Variants in CELF1 observed in about 807,000 individuals in gnomAD.
CELF1 encodes the protein 50 kDa nuclear polyadenylated RNA-binding protein.
In CELF1, 10 loss-of-function variants were observed where a neutral mutation model predicts 61.8. The ratio of observed to expected loss-of-function variants is 0.16; its 90% CI spans 0.10 to 0.27. The LOEUF is 0.27. CELF1 is among the 10% of genes least tolerant of loss of function. The pLI is 1.00. For missense variants in CELF1, 380 were observed against 639.1 expected (o/e 0.59, Z 4.37); for synonymous variants, 236 against 225.1 (o/e 1.05, Z -0.43).
chr11:47,537,319 C>T (rs1188629184), intron 1 of CELF1, among the ~76,000 whole-genome samples: 1 of 149,618 alleles, frequency 6.7e-6, no homozygotes, highest in East Asian at 2.0e-4. Context: ...GCCATCTTGG[C>T]TCACTGCAGC....
chr11:47,552,603 G>A (rs1598699638), intron 1 of CELF1, among the ~76,000 whole-genome samples: 1 of 152,230 alleles, frequency 6.6e-6, no homozygotes, highest in South Asian at 2.1e-4. Context: ...CAGAGATGGG[G>A]TGTCCCGGGC....
chr11:47,467,869 G>A lies in CELF1; in HGVS notation c.*4361C>T. 1 of 151,962 alleles carries A rather than the reference G, an allele frequency of 6.6e-6. No individual in the cohort carries two copies. Among genetic ancestry groups the A allele is most frequent in the East Asian group, 1.9e-4 (1 of 5,198 alleles). The allele number at this position is 151,962 out of a possible 1,614,324, so 9.4% of individuals were successfully genotyped here. A position where few individuals can be genotyped will look rare whatever the true frequency, so the allele number is the denominator to read the frequency against. On this transcript the variant is annotated 3_prime_UTR_variant, in exon 15 of 15. Coordinates refer to ENST00000687097, the MANE Select transcript of CELF1 (RefSeq NM_001376376.1). Reference sequence around the variant, plus strand: ...CTTCAAAATTAAACAATACAATCTTGAAAAAAATAATCAACCCTACAACAA... The same window carrying A: ...CTTCAAAATTAAACAATACAATCTTAAAAAAAATAATCAACCCTACAACAA...
intron 3 of CELF1, among the ~76,000 whole-genome samples, chr11:47,498,597 T>G (rs1253010145): frequency 6.6e-6 from 1 of 152,210 alleles, no homozygotes; most frequent in African/African-American, 2.4e-5. Flanking sequence ...TTAATATTCT[T>G]GGCTTTGAAT....
At chr11:47,525,695 T>C (rs1388148165) in intron 1 of CELF1, among the ~76,000 whole-genome samples, 1 of 152,196 alleles carries the variant, frequency 6.6e-6, no homozygotes, top group Non-Finnish European at 1.5e-5. Context: ...AATTCCTAGA[T>C]GAGATTAACA....
chr11:47,522,622 G>A (rs891066028), intron 1 of CELF1, among the ~76,000 whole-genome samples: 3 of 151,982 alleles, frequency 2.0e-5, no homozygotes, highest in Middle Eastern at 3.2e-3. Context: ...GAGGTCAGGA[G>A]TTCGAGACCA....
At chr11:47,487,370 G>A (rs1379606937) in intron 4 of CELF1, 129 bp from the exon 5 acceptor site, 1 of 636,178 alleles carries the variant, frequency 1.6e-6, no homozygotes, top group East Asian at 2.8e-5. Context: ...GAGGGGGAGG[G>A]TAGTGGAAAA....
In CELF1 at chr11:47,542,946, C is replaced by A. The variant is rs1371802820; in HGVS notation, c.-154+10046G>T. On this transcript the variant is annotated intron_variant, in intron 1 of 14. Coordinates refer to ENST00000687097, the MANE Select transcript of CELF1 (RefSeq NM_001376376.1). ...ACAGGTGTTCAAGACTAGGAGAGATCCCGTCTCTACAAATACTACAAAAAT... is the reference window on the plus strand; with the variant it reads ...ACAGGTGTTCAAGACTAGGAGAGATACCGTCTCTACAAATACTACAAAAAT... 7.3e-5 allele frequency among the ~76,000 whole-genome samples: 11 copies of A among 151,550 alleles called. No individual in the cohort carries two copies. The South Asian group carries it at 2.3e-3, about 32-fold the overall frequency.
intron 1 of CELF1, among the ~76,000 whole-genome samples, chr11:47,547,396 G>T (rs1216770829): frequency 6.6e-6 from 1 of 152,112 alleles, no homozygotes; most frequent in Non-Finnish European, 1.5e-5. Context: ...AGGAAATTAG[G>T]GCTGGGCACG....
chr11:47,517,237 G>C, intron 1 of CELF1, among the ~76,000 whole-genome samples: 1 of 137,920 alleles, frequency 7.3e-6, no homozygotes, highest in African/African-American at 2.8e-5. Context: ...CTGAGAGAGA[G>C]CCTGTCTAAA....
At chr11:47,507,055 AAAGAT>A (rs1279519660) in intron 1 of CELF1, among the ~76,000 whole-genome samples, 1 of 152,230 alleles carries the variant, frequency 6.6e-6, no homozygotes, top group Non-Finnish European at 1.5e-5. Flanking sequence ...TCAATGCCTT[AAAGAT>A]AAGTTGCATT....
rs2077374821 is a variant in CELF1, at chr11:47,470,178, T to C, written c.*2052A>G. On this transcript the variant is annotated 3_prime_UTR_variant, in exon 15 of 15. Transcript: ENST00000687097. ...CCAGAGATATAATTTAGGTAATAAA[T>C]ATTCTCCACCCCGGAGCTGTATAAA... 6.6e-6 allele frequency: 1 copy of C among 152,128 alleles called. No homozygotes were observed. The highest frequency in any genetic ancestry group is 6.5e-5 in the Admixed American group (1 of 15,278). 9.4% of individuals were successfully genotyped at this position (152,128 alleles called of 1,614,324 possible).
At chr11:47,534,010 A>AT (rs2096562322) in intron 1 of CELF1, among the ~76,000 whole-genome samples, 1 of 96,426 alleles carries the variant, frequency 1.0e-5, no homozygotes, top group East Asian at 3.0e-4. Flanking sequence ...TATATTTAGC[A>AT]TTTTTTCTTT....
chr11:47,530,638 T>C (rs2096436835), intron 1 of CELF1, among the ~76,000 whole-genome samples: 2 of 152,060 alleles, frequency 1.3e-5, no homozygotes, highest in South Asian at 4.1e-4. Context: ...ACATGAAAAC[T>C]GGGAGAGAGG....
In CELF1 at chr11:47,472,476, C is replaced by T. The variant is rs1383300709; in HGVS notation, c.1418-119G>A. ...AAATCCCAATTTTATTCAGCAGGGA[C>T]AAGAAATCTGGACATTATGTCATAC... On this transcript the variant is annotated intron_variant, in intron 14 of 14. Transcript: ENST00000687097. 6 of 1,102,690 alleles carry T rather than the reference C, an allele frequency of 5.4e-6. No individual in the cohort carries two copies. The African/African-American group carries it at 7.8e-5, about 14-fold the overall frequency. The allele number at this position is 1,102,690 out of a possible 1,614,324, so 68.3% of individuals were successfully genotyped here. A position where few individuals can be genotyped will look rare whatever the true frequency, so the allele number is the denominator to read the frequency against.
At chr11:47,552,621 C>G (rs1483359861) in intron 1 of CELF1, among the ~76,000 whole-genome samples, 2 of 152,228 alleles carry the variant, frequency 1.3e-5, no homozygotes, top group African/African-American at 4.8e-5. Flanking sequence ...GGCAGGTAGC[C>G]TGGGTCCAGC....
chr11:47,522,356 T>C (rs574823151), intron 1 of CELF1, among the ~76,000 whole-genome samples: 2 of 148,720 alleles, frequency 1.3e-5, no homozygotes, highest in East Asian at 4.0e-4. Context: ...TGAAACCCCA[T>C]CTCTACTAAA....
intron 1 of CELF1, among the ~76,000 whole-genome samples, chr11:47,545,868 TG>T (rs1565908885): frequency 4.6e-4 from 14 of 30,636 alleles, no homozygotes; most frequent in South Asian, 2.7e-3. Flanking sequence ...TGTGTGTGTC[TG>T]CGTGTGTGTG....
At chr11:47,517,182 G>A (rs1316024350) in intron 1 of CELF1, among the ~76,000 whole-genome samples, 1 of 150,890 alleles carries the variant, frequency 6.6e-6, no homozygotes, top group Non-Finnish European at 1.5e-5. Context: ...AGGAGGTCGG[G>A]CTGCAGTGAA....
At chr11:47,523,014 A>G (rs2096033360) in intron 1 of CELF1, among the ~76,000 whole-genome samples, 1 of 152,194 alleles carries the variant, frequency 6.6e-6, no homozygotes, top group Non-Finnish European at 1.5e-5. Context: ...AGTCCAGTAT[A>G]TCTTCATTAT....
Sources: allele counts gnomAD v4.1 joint callset (sites outside exome capture counted in the v4.1 genomes callset), GRCh38; gene constraint gnomAD v4.1.1; transcripts MANE v1.5; gene names NCBI Gene and HGNC (gene_info 2026-07-23, HGNC 2026-07-21).